Variants in MLEC observed in about 807,000 individuals in gnomAD.
MLEC encodes oligosaccharyltransferase complex subunit (non-catalytic).
MLEC carries 7 observed loss-of-function variants against 28.7 expected under a neutral mutation model. The observed-to-expected ratio is 0.24, with a 90% CI of 0.14 to 0.46. MLEC has a LOEUF of 0.46. Ranked by LOEUF, MLEC falls within the 20% of genes least tolerant of loss-of-function variation. MLEC has a pLI of 0.99. For synonymous variants in MLEC, 142 were observed against 164.4 expected (o/e 0.86, Z 1.04); for missense variants, 237 against 391.1 (o/e 0.61, Z 3.32).
chr12:120,691,983 A>T (rs190107223), intron 1 of MLEC, among the ~76,000 whole-genome samples: 10 of 152,280 alleles, frequency 6.6e-5, no homozygotes, highest in African/African-American at 2.2e-4. Flanking sequence ...ACATAGTGAA[A>T]GCCCGTTTCT....
rs1472254283 is a variant in MLEC at position 120,697,216 on chromosome 12, G to A, written c.*671G>A. ...GACTGTCCAGCATCCAAGACGTTTC[G>A]GTTATGTCGGGTCCTCAGATCGCCT... On this transcript the variant is annotated 3_prime_UTR_variant, in exon 5 of 5. Transcript: ENST00000228506. This position sits in a 1 kb window ranked among gnomAD's most constrained non-coding sequence, Gnocchi z 4.8. The A allele has an allele frequency of 1.3e-5, 2 of 152,312 alleles. No homozygotes were observed. The highest frequency in any genetic ancestry group is 2.9e-5 in the Non-Finnish European group (2 of 68,070). 9.4% of individuals were successfully genotyped at this position (152,312 alleles called of 1,614,324 possible).
At chr12:120,690,360 T>A (rs1265172835) in intron 1 of MLEC, among the ~76,000 whole-genome samples, 1 of 152,140 alleles carries the variant, frequency 6.6e-6, no homozygotes, top group Non-Finnish European at 1.5e-5. Context: ...TCACTCTGAC[T>A]AGGAAAAGAC....
At chr12:120,693,285 G>A (rs1330227048) in intron 1 of MLEC, among the ~76,000 whole-genome samples, 2 of 152,240 alleles carry the variant, frequency 1.3e-5, no homozygotes, top group African/African-American at 2.4e-5. Context: ...CTGCTTTGCA[G>A]GCACCTCCTT....
rs930189359 is a variant in MLEC, at chr12:120,700,896, A to G, written c.*4351A>G. 1 of 152,184 alleles carries G rather than the reference A, an allele frequency of 6.6e-6. No homozygotes were observed. Among genetic ancestry groups the G allele is most frequent in the Non-Finnish European group, 1.5e-5 (1 of 68,068 alleles). The allele number at this position is 152,184 out of a possible 1,614,324, so 9.4% of individuals were successfully genotyped here. A position where few individuals can be genotyped will look rare whatever the true frequency, so the allele number is the denominator to read the frequency against. ...CCAGCTGCCTTTTGTCTAGCCTGCT[A>G]TGGGGGGCCAGATTATCTTGATAAG... On this transcript the variant is annotated 3_prime_UTR_variant, in exon 5 of 5. Coordinates refer to ENST00000228506, the MANE Select transcript of MLEC (RefSeq NM_014730.4). The surrounding 1 kb of genome is among the most constrained non-coding windows in gnomAD (Gnocchi z 4.0).
rs1882445008 is a variant in MLEC, at chr12:120,701,476, C to A, written c.*4931C>A. 1 of 152,700 alleles carries A rather than the reference C, an allele frequency of 6.5e-6. No individual in the cohort carries two copies. The highest frequency in any genetic ancestry group is 2.4e-5 in the African/African-American group (1 of 41,450). 9.5% of individuals were successfully genotyped at this position (152,700 alleles called of 1,614,324 possible). The stretch of plus-strand genomic sequence containing the variant: ...CCTCTTCAACCATTATTGGTCTAAC[C>A]TGGCTTGTCAGGAAACCAAGCCCAC... On this transcript the variant is annotated 3_prime_UTR_variant, in exon 5 of 5. Coordinates refer to ENST00000228506, the MANE Select transcript of MLEC (RefSeq NM_014730.4). This position sits in a 1 kb window ranked among gnomAD's most constrained non-coding sequence, Gnocchi z 4.0.
intron 1 of MLEC, 158 bp from the exon 2 acceptor site, chr12:120,693,933 T>C: frequency 1.7e-6 from 1 of 599,214 alleles, no homozygotes; most frequent in Non-Finnish European, 2.9e-6. Context: ...TTCCTGCCTT[T>C]GTTGGAGCTC....
At position 120,695,130 on chromosome 12, in the gene MLEC, C is replaced by T. The variant is rs1391651429; in HGVS notation, c.627C>T (p.Tyr209=). The T allele has an allele frequency of 3.1e-6, 5 of 1,614,072 alleles. No homozygotes were observed. The highest frequency in any genetic ancestry group is 4.2e-6 in the Non-Finnish European group (5 of 1,180,044). ...ACAATCCCAAGGTCTGTGCACTCTA[C>T]ATCATGGCTGGGACAGTGGATGGTA... ...YYDNPKVCAL[Y]IMAGTVDDVP... Residue 209 remains tyrosine (Y), a synonymous_variant, in exon 4 of 5, where the codon TAC becomes TAT. Transcript: ENST00000228506.
rs1409563849 is a variant in MLEC at position 120,694,780 on chromosome 12, A to G, written c.415-44A>G. The G allele has an allele frequency of 4.5e-6, 7 of 1,553,682 alleles. No homozygotes were observed. The highest frequency in any genetic ancestry group is 6.1e-6 in the Non-Finnish European group (7 of 1,140,786). On this transcript the variant is annotated intron_variant, in intron 2 of 4. Transcript: ENST00000228506. The surrounding 1 kb of genome is among the most constrained non-coding windows in gnomAD (Gnocchi z 4.5). ...GATGTCCAACTGCTTGAAAGGATGT[A>G]AAGCTGATGGTTTTGACATTGTTTT...
chr12:120,694,309 T>C lies in MLEC; in HGVS notation c.414+40T>C. ...GGCTGCTGCTTGACCAGTAGGACAT[T>C]GCTGCTCTTGGACAATCCACGATTA... On this transcript the variant is annotated intron_variant, in intron 2 of 4. Coordinates refer to ENST00000228506, the MANE Select transcript of MLEC (RefSeq NM_014730.4). The surrounding 1 kb of genome is among the most constrained non-coding windows in gnomAD (Gnocchi z 4.5). The C allele has an allele frequency of 6.3e-7, 1 of 1,597,394 alleles. No homozygotes were observed. Among genetic ancestry groups the C allele is most frequent in the Non-Finnish European group, 8.5e-7 (1 of 1,169,884 alleles).
Position 120,698,206 on chromosome 12 carries a change from T to C in MLEC, c.*1661T>C, listed in dbSNP as rs1032958123. The C allele has an allele frequency of 6.6e-6, 1 of 152,208 alleles. No individual in the cohort carries two copies. The highest frequency in any genetic ancestry group is 1.5e-5 in the Non-Finnish European group (1 of 68,036). The allele number at this position is 152,208 out of a possible 1,614,324, so 9.4% of individuals were successfully genotyped here. A position where few individuals can be genotyped will look rare whatever the true frequency, so the allele number is the denominator to read the frequency against. Reference sequence around the variant, plus strand: ...TCTAGAATGTGTTTAATTTTGAGTTTGCTTTATTAGATATGTTTTTTAAGA... The same window carrying C: ...TCTAGAATGTGTTTAATTTTGAGTTCGCTTTATTAGATATGTTTTTTAAGA... On this transcript the variant is annotated 3_prime_UTR_variant, in exon 5 of 5. Coordinates refer to ENST00000228506, the MANE Select transcript of MLEC (RefSeq NM_014730.4).
Position 120,699,095 on chromosome 12 carries a change from T to G in MLEC, c.*2550T>G, listed in dbSNP as rs1462964589. On this transcript the variant is annotated 3_prime_UTR_variant, in exon 5 of 5. Coordinates refer to ENST00000228506, the MANE Select transcript of MLEC (RefSeq NM_014730.4). ...TTTGTTTTGTGGCTCCTCCAAGATATAGGTACATGAAGTTTAGGTTAAAGG... is the reference window on the plus strand; with the variant it reads ...TTTGTTTTGTGGCTCCTCCAAGATAGAGGTACATGAAGTTTAGGTTAAAGG... The G allele has an allele frequency of 6.5e-6, 1 of 152,684 alleles. No individual in the cohort carries two copies. The allele number at this position is 152,684 out of a possible 1,614,324, so 9.5% of individuals were successfully genotyped here.
chr12:120,693,955 A>T, intron 1 of MLEC, 136 bp from the exon 2 acceptor site: 1 of 675,294 alleles, frequency 1.5e-6, no homozygotes, highest in Non-Finnish European at 2.4e-6. Context: ...GTTTGGAGCC[A>T]GGTGCAGAGT....
At chr12:120,692,608 T>A (rs1472932015) in intron 1 of MLEC, among the ~76,000 whole-genome samples, 1 of 151,474 alleles carries the variant, frequency 6.6e-6, no homozygotes, top group Non-Finnish European at 1.5e-5. Context: ...TTTGTTAATC[T>A]TTTACCTTTT....
chr12:120,688,261 C>A (rs983165610), intron 1 of MLEC, among the ~76,000 whole-genome samples: 2 of 152,194 alleles, frequency 1.3e-5, no homozygotes, highest in Non-Finnish European at 2.9e-5. Context: ...TGTGACTTAA[C>A]TTGCTGGGCA....
rs369462222 is a variant in MLEC at position 120,691,282 on chromosome 12, C to T, written c.236-2809C>T. Among the ~76,000 whole-genome samples the T allele has an allele frequency of 2.6e-5, 4 of 152,372 alleles. No homozygotes were observed. In the South Asian group the frequency reaches 8.3e-4, roughly 32 times the overall value. On this transcript the variant is annotated intron_variant, in intron 1 of 4. Coordinates refer to ENST00000228506, the MANE Select transcript of MLEC (RefSeq NM_014730.4). Reference sequence around the variant, plus strand: ...CTAGCATACCCATGTTTCTGTGTCTCTCTCCGTGTGAGGCATTGTATTGAG... The same window carrying T: ...CTAGCATACCCATGTTTCTGTGTCTTTCTCCGTGTGAGGCATTGTATTGAG...
chr12:120,698,381 G>A lies in MLEC; in HGVS notation c.*1836G>A, dbSNP rs1205975294. ...TGTTTTCGCTGTGACTTGGGTCTCA[G>A]TGCTAGGGTATTGAGTCAGGCAGCT... On this transcript the variant is annotated 3_prime_UTR_variant, in exon 5 of 5. Coordinates refer to ENST00000228506, the MANE Select transcript of MLEC (RefSeq NM_014730.4). 6.6e-6 allele frequency: 1 copy of A among 152,246 alleles called. No individual in the cohort carries two copies. The highest frequency in any genetic ancestry group is 6.5e-5 in the Admixed American group (1 of 15,274). 9.4% of individuals were successfully genotyped at this position (152,246 alleles called of 1,614,324 possible). A position where few individuals can be genotyped will look rare whatever the true frequency, so the allele number is the denominator to read the frequency against.
At chr12:120,695,295 G>A in intron 4 of MLEC, 143 bp downstream of exon 4, 1 of 904,558 alleles carries the variant, frequency 1.1e-6, no homozygotes, top group Non-Finnish European at 1.8e-6. Flanking sequence ...GGATAAGGAT[G>A]AAGCATAACA....
intron 1 of MLEC, among the ~76,000 whole-genome samples, chr12:120,689,717 A>T (rs1881967155): frequency 6.6e-6 from 1 of 152,228 alleles, no homozygotes; most frequent in South Asian, 2.1e-4. Context: ...CAGGTATTTG[A>T]AGACCCTTGC....
At chr12:120,693,186 A>G (rs1188215715) in intron 1 of MLEC, among the ~76,000 whole-genome samples, 1 of 152,236 alleles carries the variant, frequency 6.6e-6, no homozygotes, top group South Asian at 2.1e-4. Context: ...GAAATGTGAA[A>G]GGTGATTCCC....
Sources: allele counts gnomAD v4.1 joint callset (sites outside exome capture counted in the v4.1 genomes callset), GRCh38; gene constraint gnomAD v4.1.1; non-coding constraint Gnocchi (gnomAD v3.1); transcripts MANE v1.5; gene names NCBI Gene and HGNC (gene_info 2026-07-23, HGNC 2026-07-21).